HMCN1: variants seen among roughly 807,000 people sequenced by gnomAD.
HMCN1 encodes hemicentin 1.
HMCN1 carries 321 observed loss-of-function variants against 625.9 expected under a neutral mutation model. That is an observed-to-expected ratio of 0.51 (90% CI 0.47 to 0.56). The LOEUF is 0.56. Among genes scored for constraint, HMCN1 ranks in the 20% least tolerant of loss-of-function variants. The pLI is 0.00. For synonymous variants in HMCN1, 2,425 were observed against 2,417.6 expected, an observed-to-expected ratio of 1.00 and a Z score of -0.09; for missense variants, 6,588 against 6,887.3, an observed-to-expected ratio of 0.96 and a Z score of 1.54.
chr1:186,017,166 T>C, intron 33 of HMCN1, 95 bp downstream of exon 33: 1 of 750,498 alleles, frequency 1.3e-6, no homozygotes, highest in Non-Finnish European at 2.5e-6. Flanking sequence ...TTAAAAAGGA[T>C]TGTATGAAAT....
At chr1:186,036,590 T>A (rs1322914917) in intron 36 of HMCN1, among the ~76,000 whole-genome samples, 1 of 151,918 alleles carries the variant, frequency 6.6e-6, no homozygotes, top group Non-Finnish European at 1.5e-5. Context: ...ATACAAGTAT[T>A]TTTTCTTTTT....
intron 36 of HMCN1, among the ~76,000 whole-genome samples, chr1:186,037,037 CCTT>C (rs1157188794): frequency 6.6e-6 from 1 of 151,918 alleles, no homozygotes; most frequent in Non-Finnish European, 1.5e-5. Context: ...TGTTTTCTTT[CCTT>C]CTTTCCCCCT....
intron 1 of HMCN1, among the ~76,000 whole-genome samples, chr1:185,844,421 G>C (rs1278813342): frequency 6.6e-6 from 1 of 152,100 alleles, no homozygotes; most frequent in African/African-American, 2.4e-5. Context: ...CAGACAAATT[G>C]TACCTCCTTT....
chr1:185,776,374 C>A (rs935860340), intron 1 of HMCN1, among the ~76,000 whole-genome samples: 6 of 151,722 alleles, frequency 4.0e-5, no homozygotes, highest in African/African-American at 1.5e-4. Context: ...TTTCCCTCTC[C>A]TGGGTAAGTG....
intron 6 of HMCN1, among the ~76,000 whole-genome samples, chr1:185,916,309 C>T (rs1339542708): frequency 2.0e-5 from 3 of 151,960 alleles, no homozygotes; most frequent in Admixed American, 1.3e-4. Context: ...GAAAAGAGGT[C>T]GACATCTATT....
intron 1 of HMCN1, among the ~76,000 whole-genome samples, chr1:185,742,790 T>C (rs968248057): frequency 6.6e-6 from 1 of 152,184 alleles, no homozygotes; most frequent in African/African-American, 2.4e-5. Context: ...TAATAAAATA[T>C]TTCAACTTTG....
intron 9 of HMCN1, among the ~76,000 whole-genome samples, chr1:185,925,552 C>G (rs1018119118): frequency 6.6e-6 from 1 of 152,086 alleles, no homozygotes; most frequent in Non-Finnish European, 1.5e-5. Context: ...AATGAGAGGT[C>G]CTGAAGCTTT....
chr1:186,121,975 T>TTA, intron 80 of HMCN1, among the ~76,000 whole-genome samples: 1 of 152,174 alleles, frequency 6.6e-6, no homozygotes, highest in Non-Finnish European at 1.5e-5. Flanking sequence ...TTGAGTCAAG[T>TTA]AGGATAAGGA....
chr1:185,820,049 G>T (rs576608221), intron 1 of HMCN1, among the ~76,000 whole-genome samples: 1 of 152,146 alleles, frequency 6.6e-6, no homozygotes, highest in Non-Finnish European at 1.5e-5. Flanking sequence ...GGGGCAAAAG[G>T]TTTGGAGAAC....
intron 45 of HMCN1, among the ~76,000 whole-genome samples, chr1:186,057,033 A>T (rs56851497): frequency 0.26 from 11,445 of 44,670 alleles, 661 homozygotes; most frequent in African/African-American, 0.5. Flanking sequence ...CAGGAATGTC[A>T]CACACACACA....
chr1:185,838,021 G>A (rs1375917731), intron 1 of HMCN1, among the ~76,000 whole-genome samples: 1 of 152,174 alleles, frequency 6.6e-6, no homozygotes, highest in Non-Finnish European at 1.5e-5. Context: ...AGATCCTCCA[G>A]GCATGGAGAC....
rs191276351 is a variant in HMCN1 at position 185,992,048 on chromosome 1, C to T, written c.3378-1134C>T. Among the ~76,000 whole-genome samples the T allele has an allele frequency of 3.6e-4, 55 of 152,160 alleles. 1 individual carries two copies. Among genetic ancestry groups the T allele is most frequent in the Admixed American group, 2.4e-3 (37 of 15,280 alleles). The stretch of plus-strand genomic sequence containing the variant: ...TTCAAGTGAACTGAGAACACTTTTA[C>T]GTGTTTGTTGGCCATTTGTGGTATT... On this transcript the variant is annotated intron_variant, in intron 22 of 106. Coordinates refer to ENST00000271588, the MANE Select transcript of HMCN1 (RefSeq NM_031935.3).
intron 10 of HMCN1, among the ~76,000 whole-genome samples, chr1:185,932,724 T>G (rs1571578193): frequency 6.6e-6 from 1 of 150,664 alleles, no homozygotes; most frequent in African/African-American, 2.4e-5. Flanking sequence ...TGTTGTGGGG[T>G]GGGGGATGAG....
intron 11 of HMCN1, among the ~76,000 whole-genome samples, chr1:185,937,518 C>A (rs1484331239): frequency 6.6e-6 from 1 of 152,154 alleles, no homozygotes; most frequent in Non-Finnish European, 1.5e-5. Context: ...AAGTTTTCAG[C>A]ACACAAATTC....
In HMCN1 at chr1:186,095,362, G is replaced by A; in HGVS notation, c.10414G>A (p.Asp3472Asn). ...AGCTCCCAGTATGGCCTGGCTTAGA[G>A]ATGGCCAGCCTCTGGGGCTTGATGC... ...TPAPSMAWLR[D>N]GQPLGLDAHL... Residue 3472 changes from aspartate to asparagine, a missense_variant, in exon 68 of 107, where the codon GAT becomes AAT. Transcript: ENST00000271588. 1 of 1,613,712 alleles carries A rather than the reference G, an allele frequency of 6.2e-7. No individual in the cohort carries two copies.
At chr1:185,771,899 A>G (rs1200301536) in intron 1 of HMCN1, among the ~76,000 whole-genome samples, 4 of 152,228 alleles carry the variant, frequency 2.6e-5, no homozygotes, top group Non-Finnish European at 5.9e-5. Context: ...TTGTAGTTTT[A>G]TAAATGATAT....
At chr1:185,820,909 C>G (rs1407921067) in intron 1 of HMCN1, among the ~76,000 whole-genome samples, 1 of 152,082 alleles carries the variant, frequency 6.6e-6, no homozygotes, top group Non-Finnish European at 1.5e-5. Context: ...TTAGAACACT[C>G]ATTTTAATAT....
At chr1:185,836,552 T>A (rs1384603568) in intron 1 of HMCN1, among the ~76,000 whole-genome samples, 2 of 152,168 alleles carry the variant, frequency 1.3e-5, no homozygotes, top group East Asian at 1.9e-4. Flanking sequence ...CATTTTGACT[T>A]TATTGATATT....
At chr1:185,856,508 A>T (rs1481826570) in intron 2 of HMCN1, among the ~76,000 whole-genome samples, 3 of 151,028 alleles carry the variant, frequency 2.0e-5, no homozygotes, top group South Asian at 4.2e-4. Context: ...AAAAAAGGAA[A>T]TTTTTTTTTG....
Sources: gnomAD v4.1 joint callset for allele counts (sites outside exome capture counted in the v4.1 genomes callset) on GRCh38, gnomAD v4.1.1 for gene constraint, MANE v1.5 for transcripts, NCBI Gene and HGNC (gene_info 2026-07-23, HGNC 2026-07-21) for gene names.